The following TAB3 variants were observed in gnomAD, a reference collection of about 807,000 sequenced individuals.
TAB3 encodes the protein TGF-beta activated kinase 1 (MAP3K7) binding protein 3.
A neutral mutation model predicts 48.1 loss-of-function variants in TAB3; 18 were observed. The ratio of observed to expected loss-of-function variants is 0.37; its 90% CI spans 0.26 to 0.55. The LOEUF (loss-of-function observed/expected upper bound fraction) is 0.55, where lower values mean the gene tolerates loss of function less well. TAB3 is among the 20% of genes least tolerant of loss of function. The pLI, the probability that TAB3 is intolerant of heterozygous loss-of-function variation, is 0.78. For synonymous variants in TAB3, 185 were observed against 190.2 expected (o/e 0.97, Z 0.22); for missense variants, 414 against 549.8 (o/e 0.75, Z 2.47).
rs1268054268 is a variant in TAB3, at chrX:30,830,478, C to T, written c.*949G>A. On this transcript the variant is annotated 3_prime_UTR_variant, in exon 11 of 11. Transcript: ENST00000288422. Reference sequence around the variant, plus strand: ...GAAAAAAAAAAGGCCCTATGGACTGCAAAAGTTTAAGAACCACAGCTGAGC... The same window carrying T: ...GAAAAAAAAAAGGCCCTATGGACTGTAAAAGTTTAAGAACCACAGCTGAGC... 4 of 111,385 alleles carry T rather than the reference C, an allele frequency of 3.6e-5. No individual in the cohort carries two copies. Among genetic ancestry groups the T allele is most frequent in the Non-Finnish European group, 7.5e-5 (4 of 53,036 alleles). 9.2% of individuals were successfully genotyped at this position (111,385 alleles called of 1,213,427 possible). A position where few individuals can be genotyped will look rare whatever the true frequency, so the allele number is the denominator to read the frequency against.
chrX:30,834,106 G>C lies in TAB3; in HGVS notation c.1935C>G (p.Ser645Arg). Residue 645 changes from serine to arginine, a missense_variant, in exon 10 of 11, where the codon AGC becomes AGG. Physicochemically the swap from Ser to Arg is moderately radical, Grantham distance 110. Transcript: ENST00000288422. Reference protein sequence around the residue: ...CTIERKARRISVTSKVQADIH... With the variant: ...CTIERKARRIRVTSKVQADIH... ...TGTCTGCCTGTACTTTGGAGGTCAC[G>C]CTAATTCTTCGGGCTTTTCTCTCAA... is the stretch of plus-strand genomic sequence containing the variant. 2.5e-6 allele frequency: 3 copies of C among 1,211,316 alleles called. No homozygotes were observed. Among genetic ancestry groups the C allele is most frequent in the Non-Finnish European group, 3.4e-6 (3 of 895,339 alleles).
rs1440748983 is a variant in TAB3, at chrX:30,855,345, A to G, written c.320T>C (p.Ile107Thr). 3 of 1,211,910 alleles carry G rather than the reference A, an allele frequency of 2.5e-6. No individual in the cohort carries two copies. Among genetic ancestry groups the G allele is most frequent in the Non-Finnish European group, 3.4e-6 (3 of 895,520 alleles). The change falls in exon 6 of 11, where the codon ATT becomes ACT. Residue 107 changes from isoleucine (I) to threonine (T), a missense_variant. Physicochemically the swap from Ile to Thr is moderately conservative, Grantham distance 89 (BLOSUM62 -1). Transcript: ENST00000288422. ...TLVHSSSDGH[I>T]DPQHAAGKQL... is the part of the protein sequence containing the mutation. The stretch of plus-strand genomic sequence containing the variant: ...TTTACCTGCTGCATGCTGAGGATCA[A>G]TATGTCCATCACTTGAGCTATGTAC...
intron 8 of TAB3, 90 bp from the exon 9 acceptor site, chrX:30,843,139 A>C (rs1938509093): frequency 2.0e-6 from 1 of 490,417 alleles, no homozygotes; most frequent in Non-Finnish European, 3.3e-6. Flanking sequence ...AATAAAACAC[A>C]TAAGAAGGGA....
At chrX:30,886,918 G>A (rs1940147206) in intron 1 of TAB3, among the ~76,000 whole-genome samples, 1 of 112,158 alleles carries the variant, frequency 8.9e-6, no homozygotes, top group African/African-American at 3.2e-5. Context: ...CTCAGATACT[G>A]CCTGGGAACC....
At chrX:30,871,984 G>C (rs1939676089) in intron 1 of TAB3, among the ~76,000 whole-genome samples, 183 bp from the exon 2 acceptor site, 1 of 112,154 alleles carries the variant, frequency 8.9e-6, no homozygotes, top group South Asian at 3.7e-4. Context: ...TTTCCTGACT[G>C]CCTGAGCCAG....
At chrX:30,875,424 T>G (rs756721671) in intron 1 of TAB3, among the ~76,000 whole-genome samples, 1 of 111,580 alleles carries the variant, frequency 9.0e-6, no homozygotes. Context: ...TTGATTAGGT[T>G]GTTTGAGGGT....
At chrX:30,859,937 C>A (rs1458745177) in intron 4 of TAB3, among the ~76,000 whole-genome samples, 11 of 106,945 alleles carry the variant, frequency 1.0e-4, no homozygotes, top group Non-Finnish European at 1.6e-4. Context: ...AAAAAAAAAA[C>A]AAAAAACAAA....
intron 7 of TAB3, among the ~76,000 whole-genome samples, chrX:30,848,128 T>C (rs761804369): frequency 3.6e-5 from 4 of 112,181 alleles, no homozygotes; most frequent in Non-Finnish European, 7.5e-5. Context: ...AAAAGGATTA[T>C]CTATTCCATA....
intron 1 of TAB3, among the ~76,000 whole-genome samples, chrX:30,875,780 C>T (rs1327674800): frequency 1.8e-5 from 2 of 111,888 alleles, no homozygotes; most frequent in East Asian, 2.8e-4. Flanking sequence ...CTTATATTTA[C>T]GCACATACAA....
chrX:30,868,066 T>C (rs1233458206), intron 2 of TAB3, among the ~76,000 whole-genome samples: 1 of 104,686 alleles, frequency 9.6e-6, no homozygotes, highest in African/African-American at 3.5e-5. Context: ...CTGGCTAATT[T>C]TTTTATTTTT....
rs1296528242 is a variant in TAB3 at position 30,828,225 on chromosome X, T to C, written c.*3202A>G. The C allele has an allele frequency of 3.5e-5, 4 of 113,792 alleles. No individual in the cohort carries two copies. The highest frequency in any genetic ancestry group is 1.3e-4 in the African/African-American group (4 of 30,907). 9.4% of individuals were successfully genotyped at this position (113,792 alleles called of 1,213,427 possible). ...TCTTAAAAGACTATATAAAATTGAATTGCCACAGAAGGTTGGATATGAACC... is the reference window on the plus strand; with the variant it reads ...TCTTAAAAGACTATATAAAATTGAACTGCCACAGAAGGTTGGATATGAACC... On this transcript the variant is annotated 3_prime_UTR_variant, in exon 11 of 11. Coordinates refer to ENST00000288422, the MANE Select transcript of TAB3 (RefSeq NM_152787.5).
intron 2 of TAB3, among the ~76,000 whole-genome samples, chrX:30,870,811 C>T (rs896241989): frequency 9.8e-5 from 11 of 111,909 alleles, no homozygotes; most frequent in African/African-American, 3.3e-4. Context: ...AAACATCCTA[C>T]ACTGCACAGG....
Position 30,846,594 on chromosome X carries a change from A to G in TAB3, c.1761T>C (p.Asn587=), listed in dbSNP as rs2147345210. 1.7e-6 allele frequency: 2 copies of G among 1,205,170 alleles called. No individual in the cohort carries two copies. Among genetic ancestry groups the G allele is most frequent in the South Asian group, 3.6e-5 (2 of 55,452 alleles). ...CAACTTCTTTCAGTGTACAGTCAAC[A>G]TTTATCTGGAGTTGTCTGTTCATGC... ...LRSMNRQLQI[N]VDCTLKEVDL... The change falls in exon 8 of 11, where the codon AAT becomes AAC. Residue 587 remains asparagine, a synonymous_variant. Coordinates refer to ENST00000288422, the MANE Select transcript of TAB3 (RefSeq NM_152787.5).
Position 30,829,382 on chromosome X carries a change from T to C in TAB3, c.*2045A>G, listed in dbSNP as rs1485093896. The stretch of plus-strand genomic sequence containing the variant: ...GCTAGGACACCAAGCAGTATATATA[T>C]ATATATTTCCCCTAAATTGTAACTT... On this transcript the variant is annotated 3_prime_UTR_variant, in exon 11 of 11. Transcript: ENST00000288422. 2 of 112,011 alleles carry C rather than the reference T, an allele frequency of 1.8e-5. No homozygotes were observed. The highest frequency in any genetic ancestry group is 3.3e-5 in the African/African-American group (1 of 30,692). 9.2% of individuals were successfully genotyped at this position (112,011 alleles called of 1,213,427 possible). A position where few individuals can be genotyped will look rare whatever the true frequency, so the allele number is the denominator to read the frequency against.
Position 30,852,775 on chromosome X carries a change from T to C in TAB3, c.1710+3A>G. ...TATTAACACATCCTAACAGATCACT[T>C]ACCGTAGGGATCGCAGTGGTGCAGC... On this transcript the variant is annotated splice_donor_region_variant and intron_variant, in intron 7 of 10. Coordinates refer to ENST00000288422, the MANE Select transcript of TAB3 (RefSeq NM_152787.5). The C allele has an allele frequency of 8.3e-7, 1 of 1,209,222 alleles. No homozygotes were observed. Among genetic ancestry groups the C allele is most frequent in the African/African-American group, 1.7e-5 (1 of 57,705 alleles).
chrX:30,865,876 A>C lies in TAB3; in HGVS notation c.-91+1239T>G, dbSNP rs1939389728. On this transcript the variant is annotated intron_variant, in intron 4 of 10. Coordinates refer to ENST00000288422, the MANE Select transcript of TAB3 (RefSeq NM_152787.5). The stretch of plus-strand genomic sequence containing the variant: ...AACAAAAAGTGGCTGATATTGAGGC[A>C]TAACAAATGGTCTTTTACTGGCAGA... 6.2e-5 allele frequency among the ~76,000 whole-genome samples: 7 copies of C among 112,473 alleles called. No homozygotes were observed. In the Admixed American group the frequency reaches 6.6e-4, roughly 11 times the overall value.
chrX:30,851,140 C>T (rs993504200), intron 7 of TAB3, among the ~76,000 whole-genome samples: 1 of 111,947 alleles, frequency 8.9e-6, no homozygotes, highest in Admixed American at 9.4e-5. Context: ...TGTTATTTTC[C>T]AGTGCTTTAA....
Position 30,867,157 on chromosome X carries a change from C to T in TAB3, c.-133G>A, listed in dbSNP as rs751792686. On this transcript the variant is annotated 5_prime_UTR_variant, in exon 4 of 11. It adds an upstream start codon to the 5' untranslated region. Transcript: ENST00000288422. ...AGAACAAAAGTCTGAGAAACTGTCACAGCCAAGAGGAGTCTAAGGAGACAT... is the reference window on the plus strand; with the variant it reads ...AGAACAAAAGTCTGAGAAACTGTCATAGCCAAGAGGAGTCTAAGGAGACAT... 2 of 111,674 alleles carry T rather than the reference C, an allele frequency of 1.8e-5. No homozygotes were observed. The highest frequency in any genetic ancestry group is 1.9e-4 in the Admixed American group (2 of 10,495). The allele number at this position is 111,674 out of a possible 1,213,427, so 9.2% of individuals were successfully genotyped here.
At chrX:30,843,911 T>G (rs1274143147) in intron 8 of TAB3, 1 of 111,328 alleles carries the variant, frequency 9.0e-6, no homozygotes, top group Non-Finnish European at 1.9e-5. Context: ...CCATACTTAT[T>G]TATAGAAGAT....
Sources: allele counts gnomAD v4.1 joint callset (sites outside exome capture counted in the v4.1 genomes callset), GRCh38; gene constraint gnomAD v4.1.1; transcripts MANE v1.5; gene names NCBI Gene and HGNC (gene_info 2026-07-23, HGNC 2026-07-21).